The following RBFOX3 variants were observed in gnomAD, a reference collection of about 807,000 sequenced individuals.
The protein encoded by RBFOX3 is RNA binding protein fox-1 homolog 3.
Under a neutral mutation model 48.7 loss-of-function variants are expected in RBFOX3, and 17 were observed. The ratio of observed to expected loss-of-function variants is 0.35; its 90% CI spans 0.24 to 0.52. The LOEUF is 0.52. RBFOX3 is among the 20% of genes least tolerant of loss of function. The probability of loss-of-function intolerance (pLI) is 0.94; values close to 1 mark genes in which losing one functional copy is unlikely to be tolerated. For synonymous variants in RBFOX3, 212 were observed against 209.5 expected (o/e 1.01, Z -0.10); for missense variants, 382 against 497.5 (o/e 0.77, Z 2.21).
At chr17:79,463,717 CGCCACT>C (rs147504005) in intron 2 of RBFOX3, among the ~76,000 whole-genome samples, 29 of 145,568 alleles carry the variant, frequency 2.0e-4, no homozygotes, top group Admixed American at 4.8e-4. Context: ...CCACCTCCAC[CGCCACT>C]GCCACCTCCA....
At chr17:79,621,957 G>T in the RBFOX3 span, among the ~76,000 whole-genome samples, 1 of 152,234 alleles carries the variant, frequency 6.6e-6, no homozygotes, top group Admixed American at 6.5e-5. Flanking sequence ...CTGCAGAGAA[G>T]ACCGCAAGCT....
intron 1 of RBFOX3, among the ~76,000 whole-genome samples, chr17:79,515,007 G>A (rs1309387130): frequency 6.6e-6 from 1 of 152,170 alleles, no homozygotes; most frequent in Non-Finnish European, 1.5e-5. Context: ...TGCCTGGGGT[G>A]AGGGAATTCT....
At chr17:79,496,703 T>C (rs372550386) in intron 1 of RBFOX3, among the ~76,000 whole-genome samples, 1 of 152,210 alleles carries the variant, frequency 6.6e-6, no homozygotes, top group African/African-American at 2.4e-5. Flanking sequence ...GGATGTGTCA[T>C]TAGAGCTCTC....
At chr17:79,156,700 G>A (rs1165437386) in intron 4 of RBFOX3, among the ~76,000 whole-genome samples, 1 of 152,238 alleles carries the variant, frequency 6.6e-6, no homozygotes, top group African/African-American at 2.4e-5. Context: ...TCACTGAGGA[G>A]TTGCAGCAGA....
At chr17:79,419,389 CCTA>C (rs1489261957) in intron 2 of RBFOX3, among the ~76,000 whole-genome samples, 1 of 152,222 alleles carries the variant, frequency 6.6e-6, no homozygotes, top group Non-Finnish European at 1.5e-5. Flanking sequence ...ACTGCCAAGA[CCTA>C]CGTCTTGGCA....
intron 3 of RBFOX3, among the ~76,000 whole-genome samples, chr17:79,237,767 G>A (rs1265034731): frequency 6.6e-6 from 1 of 152,144 alleles, no homozygotes; most frequent in Non-Finnish European, 1.5e-5. Context: ...CTCCTCCCCA[G>A]TAAAATGGCA....
At position 79,254,879 on chromosome 17, in the gene RBFOX3, G is replaced by A. The variant is rs1012620285; in HGVS notation, c.-73-19074C>T. Reference sequence around the variant, plus strand: ...ATGGGCTGGACTCTCTAAGGACAACGTGGGGCTTCAGGCTGACATGCTGGG... The same window carrying A: ...ATGGGCTGGACTCTCTAAGGACAACATGGGGCTTCAGGCTGACATGCTGGG... On this transcript the variant is annotated intron_variant, in intron 3 of 14. Transcript: ENST00000693108. The surrounding 1 kb of genome is among the most constrained non-coding windows in gnomAD (Gnocchi z 4.8). 1.3e-5 allele frequency among the ~76,000 whole-genome samples: 2 copies of A among 152,168 alleles called. No homozygotes were observed. The highest frequency in any genetic ancestry group is 2.4e-5 in the African/African-American group (1 of 41,440).
chr17:79,265,591 C>T (rs903685242), intron 3 of RBFOX3, among the ~76,000 whole-genome samples: 57 of 152,176 alleles, frequency 3.7e-4, no homozygotes, highest in Non-Finnish European at 2.9e-5. Flanking sequence ...ACCTTATTAC[C>T]CCTGGGCACG....
the RBFOX3 span, among the ~76,000 whole-genome samples, chr17:79,635,405 C>T: frequency 1.2e-4 from 19 of 152,164 alleles, no homozygotes; most frequent in African/African-American, 3.9e-4. Flanking sequence ...TGTCCTGTTA[C>T]ATAGGAGCTT....
At chr17:79,398,494 G>C (rs1344250910) in intron 2 of RBFOX3, among the ~76,000 whole-genome samples, 2 of 152,178 alleles carry the variant, frequency 1.3e-5, no homozygotes, top group Non-Finnish European at 1.5e-5. Context: ...TCTCCACCGA[G>C]AGTAATTTTA....
intron 3 of RBFOX3, among the ~76,000 whole-genome samples, chr17:79,255,101 A>G (rs1021872708): frequency 1.3e-5 from 2 of 151,916 alleles, no homozygotes; most frequent in African/African-American, 4.8e-5. Flanking sequence ...ACCCCTCAGA[A>G]ACTTGACCTC....
At chr17:79,343,039 TGA>T (rs2082343888) in intron 2 of RBFOX3, among the ~76,000 whole-genome samples, 1 of 152,062 alleles carries the variant, frequency 6.6e-6, no homozygotes, top group South Asian at 2.1e-4. Flanking sequence ...TGAAGAGTGT[TGA>T]GTTTTTCTTT....
chr17:79,358,445 T>C (rs980339621), intron 2 of RBFOX3, among the ~76,000 whole-genome samples: 1 of 152,106 alleles, frequency 6.6e-6, no homozygotes, highest in Non-Finnish European at 1.5e-5. Flanking sequence ...CTACACTTCC[T>C]CTCATTTTTC....
intron 4 of RBFOX3, among the ~76,000 whole-genome samples, chr17:79,201,994 C>T (rs1256244787): frequency 6.6e-6 from 1 of 152,222 alleles, no homozygotes; most frequent in South Asian, 2.1e-4. Context: ...TCATCCTCCT[C>T]CTCCTGCCGG....
intron 4 of RBFOX3, among the ~76,000 whole-genome samples, chr17:79,117,634 C>A (rs1352092284): frequency 6.6e-6 from 1 of 152,182 alleles, no homozygotes; most frequent in Non-Finnish European, 1.5e-5. Flanking sequence ...ATGCTCCCTG[C>A]ACAGGTGGAT....
At chr17:79,522,429 G>A (rs1366339032) in intron 1 of RBFOX3, among the ~76,000 whole-genome samples, 1 of 152,108 alleles carries the variant, frequency 6.6e-6, no homozygotes, top group African/African-American at 2.4e-5. Context: ...AGGGCTGGAG[G>A]CCTGAGGGGC....
chr17:79,126,769 C>T (rs2037417062), intron 4 of RBFOX3, among the ~76,000 whole-genome samples: 1 of 152,206 alleles, frequency 6.6e-6, no homozygotes, highest in Admixed American at 6.5e-5. Flanking sequence ...CTGTTCCCTC[C>T]CTGACCGGCA....
Position 79,326,625 on chromosome 17 carries a change from G to A in RBFOX3, c.-174-18801C>T, listed in dbSNP as rs543808054. On this transcript the variant is annotated intron_variant, in intron 2 of 14. Coordinates refer to ENST00000693108, the MANE Select transcript of RBFOX3 (RefSeq NM_001350451.2). ...TCTAGACAACCCGCAGGCACAGTTG[G>A]CAGTGCAGAGGTGCCCCTGGGCACT... 1.9e-4 allele frequency among the ~76,000 whole-genome samples: 29 copies of A among 152,296 alleles called. No homozygotes were observed. The East Asian group carries it at 5.6e-3, about 29-fold the overall frequency.
intron 2 of RBFOX3, among the ~76,000 whole-genome samples, chr17:79,430,294 A>AAATC (rs1228852998): frequency 2.0e-5 from 3 of 151,518 alleles, no homozygotes; most frequent in African/African-American, 7.3e-5. Context: ...ATAAATAAAT[A>AAATC]AATAAATAAA....
Sources: gnomAD v4.1 joint callset for allele counts (sites outside exome capture counted in the v4.1 genomes callset) on GRCh38, gnomAD v4.1.1 for gene constraint, Gnocchi (gnomAD v3.1) non-coding constraint, MANE v1.5 for transcripts, NCBI Gene and HGNC (gene_info 2026-07-23, HGNC 2026-07-21) for gene names.